The following CCDC186 variants were observed in gnomAD, a reference collection of about 807,000 sequenced individuals.
CCDC186 encodes coiled-coil domain containing 186, also known as coiled-coil domain-containing protein 186.
Under a neutral mutation model 113.7 loss-of-function variants are expected in CCDC186, and 49 were observed. That is an observed-to-expected ratio of 0.43 (90% CI 0.34 to 0.55). CCDC186 has a LOEUF of 0.55. CCDC186 is among the 20% of genes least tolerant of loss of function. The pLI, the probability that CCDC186 is intolerant of heterozygous loss-of-function variation, is 0.02. For missense variants in CCDC186, 890 were observed against 1,011.1 expected (o/e 0.88, Z 1.62); for synonymous variants, 355 against 345.8 (o/e 1.03, Z -0.30).
In CCDC186 at chr10:114,139,075, G is replaced by A. The variant is rs147771377; in HGVS notation, c.1222-1785C>T. Among the ~76,000 whole-genome samples the A allele has an allele frequency of 4.0e-3, 609 of 152,244 alleles. 2 individuals are homozygous for A. The highest frequency in any genetic ancestry group is 7.9e-3 in the Admixed American group (121 of 15,298). On this transcript the variant is annotated intron_variant, in intron 6 of 15. Transcript: ENST00000369287. ...ATACAGCATATAGCTTCTCGATAGC[G>A]ACTAACTCAATACTTGCCACATATT...
At chr10:114,125,456 A>C (rs568405990) in intron 15 of CCDC186, among the ~76,000 whole-genome samples, 1 of 152,218 alleles carries the variant, frequency 6.6e-6, no homozygotes, top group Non-Finnish European at 1.5e-5. Context: ...TTTAATGCAT[A>C]AAATGATTAC....
intron 2 of CCDC186, chr10:114,161,739 C>T (rs954710755): frequency 6.6e-6 from 1 of 151,952 alleles, no homozygotes; most frequent in African/African-American, 2.4e-5. Context: ...ACTTGCAAAC[C>T]CAAGTTCACA....
rs766877874 is a variant in CCDC186 at position 114,125,889 on chromosome 10, C to T, written c.2610G>A (p.Leu870=). 3 of 1,613,166 alleles carry T rather than the reference C, an allele frequency of 1.9e-6. No individual in the cohort carries two copies. The highest frequency in any genetic ancestry group is 2.5e-6 in the Non-Finnish European group (3 of 1,179,282). The change falls in exon 15 of 16, where the codon TTG becomes TTA. Residue 870 remains leucine, a synonymous_variant. Coordinates refer to ENST00000369287, the MANE Select transcript of CCDC186 (RefSeq NM_018017.4). ...TGTGAATGAGAAACACAAATACCTT[C>T]AAAGTAATATTTTTTAGTAACGTAT... ...LEDTLLKNIT[L]KENLQTLGTE... is the part of the protein sequence containing the mutation.
intron 1 of CCDC186, among the ~76,000 whole-genome samples, chr10:114,172,023 C>G (rs376789966): frequency 6.6e-6 from 1 of 152,016 alleles, no homozygotes; most frequent in African/African-American, 2.4e-5. Context: ...AAAATGAATA[C>G]TAAGTATAAC....
At position 114,126,124 on chromosome 10, in the gene CCDC186, G is replaced by A; in HGVS notation, c.2394-19C>T. ...AATTATTCTGCAAAACAAAATGATA[G>A]TATCAGTTGTGTACTTGTAGAATTA... On this transcript the variant is annotated intron_variant, in intron 14 of 15. Transcript: ENST00000369287. 6.3e-7 allele frequency: 1 copy of A among 1,593,636 alleles called. No individual in the cohort carries two copies. Among genetic ancestry groups the A allele is most frequent in the Non-Finnish European group, 8.6e-7 (1 of 1,162,540 alleles).
chr10:114,132,051 T>C lies in CCDC186; in HGVS notation c.1789A>G (p.Ser597Gly), dbSNP rs750933165. 2 of 1,613,620 alleles carry C rather than the reference T, an allele frequency of 1.2e-6. No individual in the cohort carries two copies. Among genetic ancestry groups the C allele is most frequent in the Non-Finnish European group, 1.7e-6 (2 of 1,179,802 alleles). The change falls in exon 11 of 16, where the codon AGT becomes GGT. Residue 597 changes from serine to glycine, a missense_variant. Transcript: ENST00000369287. ...ELLLFTERLT[S>G]KNAQLQSESN... ...TCAGACTGAAGCTGTGCATTCTTAC[T>C]AGTGAGCCTTTCTGTAAACAGCAGC...
chr10:114,132,141 G>A lies in CCDC186; in HGVS notation c.1699C>T (p.Leu567Phe). Reference sequence around the variant, plus strand: ...TGTAGGTCATTAATCAAAGAATTAAGACTTTCCACTTCTTCTTTCAAATTT... The same window carrying A: ...TGTAGGTCATTAATCAAAGAATTAAAACTTTCCACTTCTTCTTTCAAATTT... ...IENLKEEVES[L>F]NSLINDLQKD... Residue 567 changes from leucine (L) to phenylalanine (F), a missense_variant, in exon 11 of 16, where the codon CTT (leucine) becomes TTT (phenylalanine). By Grantham distance (22) the Leu-to-Phe change is conservative. Coordinates refer to ENST00000369287, the MANE Select transcript of CCDC186 (RefSeq NM_018017.4). 1.2e-6 allele frequency: 2 copies of A among 1,608,008 alleles called. No individual in the cohort carries two copies. Among genetic ancestry groups the A allele is most frequent in the Non-Finnish European group, 1.7e-6 (2 of 1,177,314 alleles).
intron 4 of CCDC186, among the ~76,000 whole-genome samples, chr10:114,149,826 CAGGA>C (rs1256884667): frequency 4.0e-4 from 46 of 114,590 alleles, no homozygotes; most frequent in Middle Eastern, 4.1e-3. Context: ...GGCAGGAAGG[CAGGA>C]AGGCAGGAAG....
At chr10:114,137,772 C>T (rs770978997) in intron 6 of CCDC186, among the ~76,000 whole-genome samples, 1 of 151,634 alleles carries the variant, frequency 6.6e-6, no homozygotes, top group Non-Finnish European at 1.5e-5. Context: ...CATGGTGGCT[C>T]ATGCCTGTAA....
At position 114,173,294 on chromosome 10, in the gene CCDC186, G is replaced by A. The variant is rs1220494709; in HGVS notation, c.-62+721C>T. ...AACAAAATCAAGATGGGAATATTAGGTGAAGTTGTTAAACTGTTAACAGCT... is the reference window on the plus strand; with the variant it reads ...AACAAAATCAAGATGGGAATATTAGATGAAGTTGTTAAACTGTTAACAGCT... On this transcript the variant is annotated intron_variant, in intron 1 of 15. Transcript: ENST00000369287. The A allele has an allele frequency of 1.1e-5, 5 of 447,456 alleles. No homozygotes were observed. In the East Asian group the frequency reaches 3.5e-4, roughly 31 times the overall value. The allele number at this position is 447,456 out of a possible 1,614,324, so 27.7% of individuals were successfully genotyped here.
intron 6 of CCDC186, among the ~76,000 whole-genome samples, chr10:114,141,092 G>A (rs1039217912): frequency 6.6e-6 from 1 of 151,560 alleles, no homozygotes. Context: ...TGGGGACCTC[G>A]CTATGTTGCC....
chr10:114,129,750 G>A, intron 13 of CCDC186, 141 bp downstream of exon 13: 1 of 610,776 alleles, frequency 1.6e-6, no homozygotes, highest in Middle Eastern at 3.4e-4. Context: ...GACTGGTCTT[G>A]AACTTCTGAC....
Position 114,124,978 on chromosome 10 carries a change from C to T in CCDC186, c.*165G>A. 1.8e-6 allele frequency: 1 copy of T among 556,972 alleles called. No homozygotes were observed. The highest frequency in any genetic ancestry group is 3.2e-6 in the Non-Finnish European group (1 of 314,964). The allele number at this position is 556,972 out of a possible 1,614,324, so 34.5% of individuals were successfully genotyped here. A position where few individuals can be genotyped will look rare whatever the true frequency, so the allele number is the denominator to read the frequency against. On this transcript the variant is annotated 3_prime_UTR_variant, in exon 16 of 16. Transcript: ENST00000369287. ...AAAGCTTTCAGTCTTACAGTATATA[C>T]AGCAATGCATTCATATTGTAAAAGG...
At chr10:114,134,886 T>C (rs778619525) in intron 10 of CCDC186, 27 bp downstream of exon 10, 1 of 1,582,764 alleles carries the variant, frequency 6.3e-7, no homozygotes, top group Middle Eastern at 1.7e-4. Flanking sequence ...TGCTTATTAA[T>C]ACAAACAGAA....
chr10:114,129,621 C>T (rs957623020), intron 13 of CCDC186, among the ~76,000 whole-genome samples: 9 of 152,150 alleles, frequency 5.9e-5, no homozygotes, highest in African/African-American at 1.9e-4. Context: ...ACTGCAACTT[C>T]CACCTCCAAG....
rs556918832 is a variant in CCDC186 at position 114,157,753 on chromosome 10, T to C, written c.633-73A>G. On this transcript the variant is annotated intron_variant, in intron 2 of 15. Transcript: ENST00000369287. ...ATAAAATAATATGTGGAATATAATT[T>C]CTTTACAGATCAGGGTACAGATATC... 3.4e-5 allele frequency: 40 copies of C among 1,186,886 alleles called. No individual in the cohort carries two copies. In the African/African-American group the frequency reaches 5.9e-4, roughly 18 times the overall value. The allele number at this position is 1,186,886 out of a possible 1,614,324, so 73.5% of individuals were successfully genotyped here.
chr10:114,135,200 C>G (rs7902873), intron 9 of CCDC186, 145 bp from the exon 10 acceptor site: 452,460 of 785,710 alleles, frequency 0.58, 135,689 homozygotes, highest in African/African-American at 0.9. Flanking sequence ...ACAATCCTAG[C>G]TTTTAGTCTC....
chr10:114,145,414 G>A (rs2031604920), intron 5 of CCDC186, 135 bp downstream of exon 5: 1 of 769,824 alleles, frequency 1.3e-6, no homozygotes, highest in African/African-American at 1.8e-5. Context: ...CATGGTTTTA[G>A]AAGGTAAACT....
intron 10 of CCDC186, among the ~76,000 whole-genome samples, chr10:114,132,869 A>C (rs2031134176): frequency 6.6e-6 from 1 of 152,240 alleles, no homozygotes; most frequent in Non-Finnish European, 1.5e-5. Context: ...CTATATCCCT[A>C]GCACTTAACA....
Sources: gnomAD v4.1 joint callset for allele counts (sites outside exome capture counted in the v4.1 genomes callset) on GRCh38, gnomAD v4.1.1 for gene constraint, MANE v1.5 for transcripts, NCBI Gene and HGNC (gene_info 2026-07-23, HGNC 2026-07-21) for gene names.